Variants in XKR6 observed in about 807,000 individuals in gnomAD.
XKR6 encodes XK related 6.
Under a neutral mutation model 56.7 loss-of-function variants are expected in XKR6, and 22 were observed. The ratio of observed to expected loss-of-function variants is 0.39; its 90% CI spans 0.28 to 0.55. The LOEUF is 0.55. Among genes scored for constraint, XKR6 ranks in the 20% least tolerant of loss-of-function variants. XKR6 has a pLI of 0.66. For missense variants in XKR6, 852 were observed against 889.0 expected (o/e 0.96, Z 0.53); for synonymous variants, 524 against 387.8 (o/e 1.35, Z -4.13).
intron 1 of XKR6, among the ~76,000 whole-genome samples, chr8:10,975,677 C>T (rs1432419558): frequency 6.6e-6 from 1 of 151,968 alleles, no homozygotes; most frequent in East Asian, 1.9e-4. Flanking sequence ...GAAACAAAGC[C>T]CCATTACAGC....
intron 1 of XKR6, among the ~76,000 whole-genome samples, chr8:11,052,289 G>C (rs770529660): frequency 6.6e-6 from 1 of 152,008 alleles, no homozygotes; most frequent in African/African-American, 2.4e-5. Flanking sequence ...CTTGACTCCC[G>C]AATCTAAAAC....
At chr8:11,144,386 A>G (rs1243118122) in intron 1 of XKR6, among the ~76,000 whole-genome samples, 1 of 151,170 alleles carries the variant, frequency 6.6e-6, no homozygotes, top group Non-Finnish European at 1.5e-5. Context: ...AGATGGTCAC[A>G]TTTGAGAAAG....
chr8:11,028,775 C>G (rs1798926305), intron 1 of XKR6, among the ~76,000 whole-genome samples: 1 of 152,170 alleles, frequency 6.6e-6, no homozygotes, highest in African/African-American at 2.4e-5. Flanking sequence ...CATATCTTGT[C>G]CCATTGACCC....
chr8:11,105,377 A>G (rs145954261), intron 1 of XKR6: 156 of 152,244 alleles, frequency 1.0e-3, no homozygotes, highest in African/African-American at 3.6e-3. Context: ...TTTCTTTCCT[A>G]TTTTGCCACA....
At chr8:11,116,354 G>C (rs951016169) in intron 1 of XKR6, among the ~76,000 whole-genome samples, 2 of 152,138 alleles carry the variant, frequency 1.3e-5, no homozygotes, top group Admixed American at 1.3e-4. Context: ...GCTACCCACA[G>C]CTCAACTCTT....
chr8:11,132,520 C>T (rs1224076154), intron 1 of XKR6, among the ~76,000 whole-genome samples: 1 of 151,780 alleles, frequency 6.6e-6, no homozygotes, highest in Non-Finnish European at 1.5e-5. Context: ...CACCACCACG[C>T]CAGGCTAATT....
intron 1 of XKR6, among the ~76,000 whole-genome samples, chr8:11,174,704 C>G (rs1451219135): frequency 2.0e-5 from 3 of 152,150 alleles, no homozygotes; most frequent in African/African-American, 7.2e-5. Flanking sequence ...AGGTCACGCT[C>G]AGTTACAGGA....
intron 1 of XKR6, among the ~76,000 whole-genome samples, chr8:11,127,003 A>G (rs188616611): frequency 1.3e-5 from 2 of 152,336 alleles, no homozygotes; most frequent in African/African-American, 4.8e-5. Context: ...GTCATCTAAC[A>G]TATATTTAAC....
At chr8:11,090,812 C>T (rs1161132842) in intron 1 of XKR6, among the ~76,000 whole-genome samples, 1 of 152,152 alleles carries the variant, frequency 6.6e-6, no homozygotes, top group Non-Finnish European at 1.5e-5. Context: ...CTGCAAATAT[C>T]TGCCTACCAT....
chr8:10,987,678 C>A (rs529436426), intron 1 of XKR6, among the ~76,000 whole-genome samples: 1 of 152,328 alleles, frequency 6.6e-6, no homozygotes, highest in South Asian at 2.1e-4. Flanking sequence ...CTGCTCAAAG[C>A]CCTACCATGA....
At chr8:11,174,522 T>C (rs1250112457) in intron 1 of XKR6, among the ~76,000 whole-genome samples, 2 of 152,244 alleles carry the variant, frequency 1.3e-5, no homozygotes, top group Non-Finnish European at 2.9e-5. Flanking sequence ...TTCTGAAGGC[T>C]AGTAGTTACT....
chr8:11,107,059 G>A (rs1176300315), intron 1 of XKR6, among the ~76,000 whole-genome samples: 1 of 151,824 alleles, frequency 6.6e-6, no homozygotes, highest in Non-Finnish European at 1.5e-5. Context: ...GAGGAAAGAA[G>A]ATGGAACAAA....
rs531408906 is a variant in XKR6 at position 11,185,931 on chromosome 8, A to C, written c.764+14645T>G. On this transcript the variant is annotated intron_variant, in intron 1 of 2. Transcript: ENST00000416569. ...GCTAATTTAAATAGTTACCTGTTTG[A>C]GCTGATCGATGGAAACAGGGCTTGG... 1.3e-4 allele frequency among the ~76,000 whole-genome samples: 20 copies of C among 152,354 alleles called. No homozygotes were observed. In the South Asian group the frequency reaches 4.1e-3, roughly 32 times the overall value.
At position 11,023,300 on chromosome 8, in the gene XKR6, G is replaced by A. The variant is rs183370130; in HGVS notation, c.765-98470C>T. Among the ~76,000 whole-genome samples, 49 of 152,308 alleles carry A rather than the reference G, an allele frequency of 3.2e-4. 1 individual carries two copies. The Middle Eastern group carries it at 0.02, about 63-fold the overall frequency. On this transcript the variant is annotated intron_variant, in intron 1 of 2. Coordinates refer to ENST00000416569, the MANE Select transcript of XKR6 (RefSeq NM_173683.4). ...GACCCTGTTCTGCCCTGGAAGCAGTGAGGCACCTCACAGGCCCCCGAAGTC... is the reference window on the plus strand; with the variant it reads ...GACCCTGTTCTGCCCTGGAAGCAGTAAGGCACCTCACAGGCCCCCGAAGTC...
Position 11,163,051 on chromosome 8 carries a change from T to C in XKR6, c.764+37525A>G, listed in dbSNP as rs180729048. Among the ~76,000 whole-genome samples, 15 of 152,340 alleles carry C rather than the reference T, an allele frequency of 9.8e-5. No individual in the cohort carries two copies. In the East Asian group the frequency reaches 2.5e-3, roughly 25 times the overall value. ...TATTTTATCCAATTGGTTCTACTTG[T>C]ACAGGAAAACAAGGAAACTAGAACC... On this transcript the variant is annotated intron_variant, in intron 1 of 2. Coordinates refer to ENST00000416569, the MANE Select transcript of XKR6 (RefSeq NM_173683.4).
chr8:10,970,537 C>T (rs1406620195), intron 1 of XKR6, among the ~76,000 whole-genome samples: 1 of 151,908 alleles, frequency 6.6e-6, no homozygotes, highest in Non-Finnish European at 1.5e-5. Flanking sequence ...AGAAATGCCC[C>T]AGCCTCATTG....
At chr8:11,000,366 C>A (rs1442676913) in intron 1 of XKR6, among the ~76,000 whole-genome samples, 1 of 152,148 alleles carries the variant, frequency 6.6e-6, no homozygotes, top group African/African-American at 2.4e-5. Context: ...TTTTCTTCCT[C>A]GTGGAGCACA....
At chr8:11,079,182 G>C (rs928942858) in intron 1 of XKR6, among the ~76,000 whole-genome samples, 4 of 152,236 alleles carry the variant, frequency 2.6e-5, no homozygotes, top group African/African-American at 9.6e-5. Context: ...CTGGGCAGGA[G>C]ATACCAGGGG....
intron 2 of XKR6, among the ~76,000 whole-genome samples, chr8:10,899,236 C>T (rs982633042): frequency 3.3e-5 from 5 of 152,222 alleles, no homozygotes; most frequent in Non-Finnish European, 7.3e-5. Flanking sequence ...GTGGGTTCCG[C>T]CTTAAGGAAT....
Sources: allele counts gnomAD v4.1 joint callset (sites outside exome capture counted in the v4.1 genomes callset), GRCh38; gene constraint gnomAD v4.1.1; transcripts MANE v1.5; gene names NCBI Gene and HGNC (gene_info 2026-07-23, HGNC 2026-07-21).